SLC1A7: variants seen among roughly 807,000 people sequenced by gnomAD.
The protein encoded by SLC1A7 is excitatory amino acid transporter 5.
In SLC1A7, 40 loss-of-function variants were observed where a neutral mutation model predicts 47.7. The ratio of observed to expected loss-of-function variants is 0.84; its 90% CI spans 0.65 to 1.09. The LOEUF (loss-of-function observed/expected upper bound fraction) is 1.09. Ranked by LOEUF, SLC1A7 falls within the 50% of genes least tolerant of loss-of-function variation. The pLI, the probability that SLC1A7 is intolerant of heterozygous loss-of-function variation, is 0.00. For synonymous variants in SLC1A7, 323 were observed against 325.6 expected (o/e 0.99, Z 0.09); for missense variants, 746 against 769.5 (o/e 0.97, Z 0.36).
intron 3 of SLC1A7, chr1:53,108,400 G>T: frequency 1.7e-6 from 1 of 595,766 alleles, no homozygotes; most frequent in East Asian, 2.9e-5. Flanking sequence ...GTGGGCCTTG[G>T]CAGGGACAGC....
intron 2 of SLC1A7, chr1:53,118,651 CTTTA>C (rs1386728313): frequency 6.6e-6 from 1 of 152,200 alleles, no homozygotes; most frequent in Non-Finnish European, 1.5e-5. Flanking sequence ...AAGTTTAATA[CTTTA>C]TTTAACCTAG....
intron 2 of SLC1A7, among the ~76,000 whole-genome samples, chr1:53,126,176 C>A (rs1644879670): frequency 6.6e-6 from 1 of 152,162 alleles, no homozygotes; most frequent in South Asian, 2.1e-4. Context: ...AAACACCCAC[C>A]CCTCTGCAGG....
At chr1:53,111,065 A>T (rs1644696480) in intron 3 of SLC1A7, among the ~76,000 whole-genome samples, 1 of 152,188 alleles carries the variant, frequency 6.6e-6, no homozygotes, top group East Asian at 1.9e-4. Context: ...ATTCCAGTGG[A>T]TGTGGGAGGA....
chr1:53,088,108 G>C lies in SLC1A7; in HGVS notation c.1584C>G (p.Pro528=), dbSNP rs1405523188. 1.2e-6 allele frequency: 2 copies of C among 1,612,224 alleles called. No individual in the cohort carries two copies. Among genetic ancestry groups the C allele is most frequent in the South Asian group, 1.1e-5 (1 of 90,680 alleles). ...ASELTLGPTC[P]HHVPVQVEQD... ...GCTCCACTTGAACGGGGACGTGGTG[G>C]GGGCAGGTGGGGCCCAGGGTGAGCT... The change falls in exon 11 of 11, where the codon CCC becomes CCG. Residue 528 remains proline (P), a synonymous_variant. Coordinates refer to ENST00000371494, the MANE Select transcript of SLC1A7 (RefSeq NM_006671.6).
chr1:53,096,611 TACAC>T (rs879718862), intron 5 of SLC1A7, among the ~76,000 whole-genome samples: 10 of 125,154 alleles, frequency 8.0e-5, no homozygotes, highest in Non-Finnish European at 1.2e-4. Flanking sequence ...TTGGTAAACT[TACAC>T]ACCACTTCAG....
chr1:53,128,634 CACG>C (rs1644908669), intron 2 of SLC1A7, among the ~76,000 whole-genome samples: 1 of 142,866 alleles, frequency 7.0e-6, no homozygotes, highest in Admixed American at 7.1e-5. Flanking sequence ...TGCAGGTGTG[CACG>C]ACTCAGGTGA....
At chr1:53,124,785 C>T (rs1384801588) in intron 2 of SLC1A7, among the ~76,000 whole-genome samples, 3 of 152,202 alleles carry the variant, frequency 2.0e-5, no homozygotes, top group African/African-American at 7.2e-5. Context: ...CAGGGCAGCT[C>T]CCTCAAGAGT....
intron 5 of SLC1A7, 30 bp downstream of exon 5, chr1:53,103,316 G>A (rs1474012718): frequency 2.0e-6 from 3 of 1,518,540 alleles, no homozygotes; most frequent in African/African-American, 1.4e-5. Flanking sequence ...CCGGCTCCAC[G>A]GCACTGCTGG....
chr1:53,094,191 C>A (rs1412174952), intron 5 of SLC1A7, among the ~76,000 whole-genome samples: 1 of 152,226 alleles, frequency 6.6e-6, no homozygotes, highest in Admixed American at 6.5e-5. Context: ...TCAGCGAGAG[C>A]AAGAACTGCA....
intron 10 of SLC1A7, among the ~76,000 whole-genome samples, 196 bp downstream of exon 10, chr1:53,088,681 G>A (rs752538667): frequency 1.1e-4 from 17 of 152,252 alleles, no homozygotes; most frequent in South Asian, 2.1e-4. Flanking sequence ...CTATATCAGC[G>A]CCAGCCACAG....
intron 4 of SLC1A7, 100 bp downstream of exon 4, chr1:53,105,632 C>T: frequency 1.1e-6 from 1 of 944,812 alleles, no homozygotes; most frequent in Admixed American, 1.7e-5. Flanking sequence ...GCGTGACTGG[C>T]CAGCACACCT....
At chr1:53,125,436 A>G (rs1171562503) in intron 2 of SLC1A7, among the ~76,000 whole-genome samples, 1 of 152,180 alleles carries the variant, frequency 6.6e-6, no homozygotes, top group Non-Finnish European at 1.5e-5. Flanking sequence ...AACTGTGCCC[A>G]TTTGCACCAG....
chr1:53,115,373 G>GTTTTT, intron 2 of SLC1A7: 1 of 221,742 alleles, frequency 4.5e-6, no homozygotes, highest in Admixed American at 5.1e-5. Flanking sequence ...GCCCAGCCAG[G>GTTTTT]CAGGACCAAG....
intron 5 of SLC1A7, among the ~76,000 whole-genome samples, chr1:53,097,210 C>T (rs1188786146): frequency 6.6e-6 from 1 of 150,514 alleles, no homozygotes; most frequent in Admixed American, 6.6e-5. Context: ...ACACACCCTG[C>T]CTCAGTACAC....
intron 1 of SLC1A7, among the ~76,000 whole-genome samples, chr1:53,139,066 T>C (rs1645030136): frequency 6.6e-6 from 1 of 152,196 alleles, no homozygotes; most frequent in Non-Finnish European, 1.5e-5. Flanking sequence ...CTGTTTCACA[T>C]TAGGAGCCTC....
intron 3 of SLC1A7, among the ~76,000 whole-genome samples, chr1:53,110,549 G>T (rs74085598): frequency 0.02 from 3,017 of 152,228 alleles, 90 homozygotes; most frequent in African/African-American, 0.064. Context: ...ACTGTGGCAC[G>T]TGTTTCTGAT....
Position 53,090,812 on chromosome 1 carries a change from G to A in SLC1A7, c.1032-6C>T. 1 of 1,606,978 alleles carries A rather than the reference G, an allele frequency of 6.2e-7. No homozygotes were observed. The highest frequency in any genetic ancestry group is 1.1e-5 in the South Asian group (1 of 89,714). On this transcript the variant is annotated splice_region_variant and splice_polypyrimidine_tract_variant and intron_variant, in intron 7 of 10. Coordinates refer to ENST00000371494, the MANE Select transcript of SLC1A7 (RefSeq NM_006671.6). ...TGATGGGCAGTGTGGCTGAGCTACGGTTAGAGGGGCCGGTGTCTGCCCAGC... is the reference window on the plus strand; with the variant it reads ...TGATGGGCAGTGTGGCTGAGCTACGATTAGAGGGGCCGGTGTCTGCCCAGC...
rs1242736974 is a variant in SLC1A7, at chr1:53,092,661, C to A, written c.924G>T (p.Gly308=). Residue 308 remains glycine (G), a synonymous_variant, in exon 7 of 11, where the codon GGG becomes GGT. Coordinates refer to ENST00000371494, the MANE Select transcript of SLC1A7 (RefSeq NM_006671.6). ...VTVVCGLVLH[G]LFILPLLYFF... ...AGTAGAGCAGGGGCAGGATAAAGAG[C>A]CCGTGGAGCACCAGCCCGCACACCA... 2.5e-6 allele frequency: 4 copies of A among 1,613,938 alleles called. No homozygotes were observed. The highest frequency in any genetic ancestry group is 3.4e-6 in the Non-Finnish European group (4 of 1,179,924).
At chr1:53,115,033 G>A in intron 2 of SLC1A7, 60 bp from the exon 3 acceptor site, 1 of 1,358,736 alleles carries the variant, frequency 7.4e-7, no homozygotes, top group Non-Finnish European at 1.0e-6. Flanking sequence ...CTGGCACTCA[G>A]CGCTCACTCA....
Sources: gnomAD v4.1 joint callset for allele counts (sites outside exome capture counted in the v4.1 genomes callset) on GRCh38, gnomAD v4.1.1 for gene constraint, MANE v1.5 for transcripts, NCBI Gene and HGNC (gene_info 2026-07-23, HGNC 2026-07-21) for gene names.